Variants in SLC24A1 observed in about 807,000 individuals in gnomAD.
SLC24A1 encodes the protein sodium/potassium/calcium exchanger 1.
A neutral mutation model predicts 88.1 loss-of-function variants in SLC24A1; 52 were observed. The ratio of observed to expected loss-of-function variants is 0.59; its 90% CI spans 0.47 to 0.74. The LOEUF is 0.74. Among genes scored for constraint, SLC24A1 ranks in the 30% least tolerant of loss-of-function variants. The probability of loss-of-function intolerance (pLI) is 0.00; values close to 1 mark genes in which losing one functional copy is unlikely to be tolerated. For synonymous variants in SLC24A1, 455 were observed against 498.0 expected (o/e 0.91, Z 1.15); for missense variants, 1,173 against 1,363.3 (o/e 0.86, Z 2.20).
intron 2 of SLC24A1, 66 bp downstream of exon 2, chr15:65,626,036 C>T: frequency 8.4e-6 from 10 of 1,192,196 alleles, no homozygotes; most frequent in Non-Finnish European, 1.3e-5. Context: ...GAAGCCAGGA[C>T]CTGAAGAGAA....
chr15:65,644,557 T>C (rs1235154947), intron 5 of SLC24A1, 44 bp downstream of exon 5: 2 of 1,365,922 alleles, frequency 1.5e-6, no homozygotes, highest in South Asian at 2.5e-5. Context: ...TGCCCCCCTC[T>C]CCCTGCTGTC....
chr15:65,625,686 A>T lies in SLC24A1; in HGVS notation c.1606A>T (p.Ile536Phe), dbSNP rs910449625. 1.2e-6 allele frequency: 2 copies of T among 1,613,818 alleles called. No homozygotes were observed. The highest frequency in any genetic ancestry group is 2.7e-5 in the African/African-American group (2 of 74,886). ...GTIVGSAVFN[I>F]LFVIGTCSLF... ...CATTGTGGGCTCTGCTGTGTTCAAC[A>T]TTCTCTTTGTCATTGGCACTTGTTC... The change falls in exon 2 of 10, where the codon ATT becomes TTT. Residue 536 changes from isoleucine (I) to phenylalanine (F), a missense_variant. Ile to Phe is a conservative substitution (Grantham distance 21). Coordinates refer to ENST00000261892, the MANE Select transcript of SLC24A1 (RefSeq NM_004727.3).
chr15:65,651,074 A>T, intron 7 of SLC24A1, 132 bp downstream of exon 7: 1 of 762,908 alleles, frequency 1.3e-6, no homozygotes, highest in Non-Finnish European at 2.3e-6. Context: ...CACCATTGAG[A>T]TCTGGGAAGG....
chr15:65,640,438 G>C (rs2075086320), intron 4 of SLC24A1, among the ~76,000 whole-genome samples: 1 of 152,130 alleles, frequency 6.6e-6, no homozygotes, highest in Admixed American at 6.5e-5. Context: ...CCCCCAACAT[G>C]CATCTCAGAC....
At chr15:65,643,145 T>A in intron 4 of SLC24A1, 1 of 699,952 alleles carries the variant, frequency 1.4e-6, no homozygotes, top group East Asian at 6.6e-5. Context: ...TCATTTACTT[T>A]GTCACCAACT....
intron 2 of SLC24A1, among the ~76,000 whole-genome samples, chr15:65,634,583 C>T (rs760427908): frequency 5.9e-5 from 9 of 152,044 alleles, no homozygotes. Flanking sequence ...CATAAATGGA[C>T]TCATCAGCCA....
At position 65,652,643 on chromosome 15, in the gene SLC24A1, T is replaced by C. The variant is rs751019241; in HGVS notation, c.2885T>C (p.Val962Ala). The part of the protein sequence containing the change: ...SYLMVWWAHQ[V>A]GETIGISEEI... Reference sequence around the variant, plus strand: ...CTGTTGACCGTTGCCGTTTACCAGGTTGGTGAAACAATAGGGATTTCTGAA... The same window carrying C: ...CTGTTGACCGTTGCCGTTTACCAGGCTGGTGAAACAATAGGGATTTCTGAA... Residue 962 changes from valine to alanine, a missense_variant and splice_region_variant, in exon 9 of 10, where the codon GTT (valine) becomes GCT (alanine). Transcript: ENST00000261892. 46 of 1,613,660 alleles carry C rather than the reference T, an allele frequency of 2.9e-5. No homozygotes were observed. Among genetic ancestry groups the C allele is most frequent in the Non-Finnish European group, 3.5e-5 (41 of 1,179,782 alleles).
intron 4 of SLC24A1, chr15:65,644,140 C>G: frequency 2.5e-6 from 1 of 401,978 alleles, no homozygotes; most frequent in South Asian, 2.8e-5. Flanking sequence ...CTGAGTCCAA[C>G]CATGTCATTT....
upstream of SLC24A1, among the ~76,000 whole-genome samples, chr15:65,621,037 A>T (rs1038900253): frequency 2.6e-5 from 4 of 152,202 alleles, no homozygotes; most frequent in Non-Finnish European, 4.4e-5. Flanking sequence ...GGGCTTCAGC[A>T]GAGGGAGCTC....
At chr15:65,652,560 CTGTT>C (rs1260207156) in intron 8 of SLC24A1, 78 bp from the exon 9 acceptor site, 1 of 1,328,704 alleles carries the variant, frequency 7.5e-7, no homozygotes, top group East Asian at 2.4e-5. Flanking sequence ...AGAAGGCAGT[CTGTT>C]TGCACAAAGT....
At position 65,652,676 on chromosome 15, in the gene SLC24A1, T is replaced by C; in HGVS notation, c.2918T>C (p.Met973Thr). ...ACAATAGGGATTTCTGAAGAGATCA[T>C]GGGCCTGACAATCCTTGCAGCAGGC... is the stretch of plus-strand genomic sequence containing the variant. ...GETIGISEEI[M>T]GLTILAAGTS... The change falls in exon 9 of 10, where the codon ATG becomes ACG. Residue 973 changes from methionine to threonine, a missense_variant. By Grantham distance (81) the Met-to-Thr change is moderately conservative. Coordinates refer to ENST00000261892, the MANE Select transcript of SLC24A1 (RefSeq NM_004727.3). The C allele has an allele frequency of 6.2e-7, 1 of 1,614,034 alleles. No individual in the cohort carries two copies. Among genetic ancestry groups the C allele is most frequent in the Non-Finnish European group, 8.5e-7 (1 of 1,179,884 alleles).
chr15:65,628,512 A>G (rs548840032), intron 2 of SLC24A1, among the ~76,000 whole-genome samples: 2 of 152,384 alleles, frequency 1.3e-5, no homozygotes, highest in East Asian at 3.9e-4. Flanking sequence ...TTGAGAATCC[A>G]TGCTTACGGA....
At chr15:65,658,040 AG>A (rs1292741938), downstream of SLC24A1, 1 of 152,264 alleles carries the variant, frequency 6.6e-6, no homozygotes, top group Non-Finnish European at 1.5e-5. Context: ...CCAAATGAAC[AG>A]GAACTGTGGA....
chr15:65,617,087 C>A (rs1442049108), upstream of SLC24A1, among the ~76,000 whole-genome samples: 1 of 152,162 alleles, frequency 6.6e-6, no homozygotes, highest in African/African-American at 2.4e-5. Context: ...GTCTATATAT[C>A]TGTTTTGGTA....
rs200712030 is a variant in SLC24A1, at chr15:65,644,533, A to G, written c.2140+20A>G. 797 of 1,542,872 alleles carry G rather than the reference A, an allele frequency of 5.2e-4. 6 individuals are homozygous for G. Among genetic ancestry groups the G allele is most frequent in the Middle Eastern group, 5.1e-3 (29 of 5,674 alleles). On this transcript the variant is annotated intron_variant, in intron 5 of 9. Transcript: ENST00000261892. ...CAGAAGGTGAGAGGATGGCCAGACC[A>G]GTGGGTTTTCTCCTGCCCCCCTCTC...
At position 65,625,518 on chromosome 15, in the gene SLC24A1, G is replaced by A. The variant is rs1352175135; in HGVS notation, c.1438G>A (p.Ala480Thr). Residue 480 changes from alanine (A) to threonine (T), a missense_variant, in exon 2 of 10, where the codon GCC becomes ACC. Coordinates refer to ENST00000261892, the MANE Select transcript of SLC24A1 (RefSeq NM_004727.3). ...TGTTTGCGACGAGTACTTCGTTCCA[G>A]CCCTGGGTGTCATCACAGACAAGCT... ...AIVCDEYFVP[A>T]LGVITDKLQI... 6.2e-7 allele frequency: 1 copy of A among 1,613,932 alleles called. No individual in the cohort carries two copies. The highest frequency in any genetic ancestry group is 1.3e-5 in the African/African-American group (1 of 74,928).
chr15:65,623,456 T>C (rs1271307790), intron 1 of SLC24A1, among the ~76,000 whole-genome samples: 3 of 152,178 alleles, frequency 2.0e-5, no homozygotes, highest in Non-Finnish European at 4.4e-5. Context: ...GTGGAATTGT[T>C]TTAAGTCAGT....
chr15:65,647,989 G>C (rs1046144421), intron 6 of SLC24A1, among the ~76,000 whole-genome samples: 4 of 152,208 alleles, frequency 2.6e-5, no homozygotes, highest in African/African-American at 9.6e-5. Context: ...GGCCGGGTGC[G>C]GTGGCTCACG....
intron 2 of SLC24A1, among the ~76,000 whole-genome samples, chr15:65,616,539 G>A (rs1032287700): frequency 6.6e-6 from 1 of 152,180 alleles, no homozygotes; most frequent in Non-Finnish European, 1.5e-5. Context: ...TTTGAGAAGT[G>A]TCTATTCATA....
Sources: allele counts gnomAD v4.1 joint callset (sites outside exome capture counted in the v4.1 genomes callset), GRCh38; gene constraint gnomAD v4.1.1; transcripts MANE v1.5; gene names NCBI Gene and HGNC (gene_info 2026-07-23, HGNC 2026-07-21).